The following PITRM1 variants were observed in gnomAD, a reference collection of about 807,000 sequenced individuals.
PITRM1 encodes pitrilysin metallopeptidase 1.
Under a neutral mutation model 129.9 loss-of-function variants are expected in PITRM1, and 100 were observed. That is an observed-to-expected ratio of 0.77 (90% CI 0.65 to 0.91). The LOEUF (loss-of-function observed/expected upper bound fraction) is 0.91. PITRM1 is among the 40% of genes least tolerant of loss of function. The pLI is 0.00. For missense variants in PITRM1, 1,471 were observed against 1,318.3 expected, an observed-to-expected ratio of 1.12 and a Z score of -1.79; for synonymous variants, 591 against 508.8, an observed-to-expected ratio of 1.16 and a Z score of -2.17.
At position 3,148,281 on chromosome 10, in the gene PITRM1, C is replaced by T. The variant is rs568657973; in HGVS notation, c.1882G>A (p.Gly628Ser). 6.5e-5 allele frequency: 104 copies of T among 1,610,782 alleles called. No homozygotes were observed. Among genetic ancestry groups the T allele is most frequent in the Admixed American group, 1.5e-4 (9 of 59,672 alleles). Residue 628 changes from glycine (G) to serine (S), a missense_variant, in exon 17 of 27, where the codon GGC becomes AGC. Coordinates refer to ENST00000224949, the MANE Select transcript of PITRM1 (RefSeq NM_014889.4). The stretch of plus-strand genomic sequence containing the variant: ...GCCTGCTCCCGGTAGTCAAGAAGGC[C>T]GCAGCCCAGCCTGACACAGCAGAGA... ...FCSVLTKLGCGLLDYREQAQQ... is the reference protein window; with the variant it reads ...FCSVLTKLGCSLLDYREQAQQ...
rs1588617719 is a variant in PITRM1, at chr10:3,138,750, CG to C, written c.2917+153del. 3.7e-6 allele frequency: 3 copies of C among 815,872 alleles called. No individual in the cohort carries two copies. The East Asian group carries it at 7.3e-5, about 20-fold the overall frequency. The allele number at this position is 815,872 out of a possible 1,614,324, so 50.5% of individuals were successfully genotyped here. On this transcript the variant is annotated intron_variant, in intron 25 of 26. Transcript: ENST00000224949. ...CTCTTCTCGCCCGGATGTCAGGAAG[CG>C]TGTTTAGGGTGTCAGACGTGGAAAT...
chr10:3,171,496 T>C (rs1843353613), intron 1 of PITRM1, among the ~76,000 whole-genome samples: 1 of 152,116 alleles, frequency 6.6e-6, no homozygotes, highest in African/African-American at 2.4e-5. Flanking sequence ...CAGGCTGGAG[T>C]GCAGCGGTGC....
rs770293521 is a variant in PITRM1, at chr10:3,166,400, A to G, written c.267-20T>C. 2.0e-5 allele frequency: 4 copies of G among 204,714 alleles called. No homozygotes were observed. In the Admixed American group the frequency reaches 2.2e-4, roughly 11 times the overall value. The allele number at this position is 204,714 out of a possible 1,614,324, so 12.7% of individuals were successfully genotyped here. On this transcript the variant is annotated intron_variant, in intron 3 of 26. Coordinates refer to ENST00000224949, the MANE Select transcript of PITRM1 (RefSeq NM_014889.4). ...TGCACGCTAGGGAAGGAGAATGACC[A>G]GAACGCAAAAGGTTCAGCTTAGTGC...
chr10:3,157,937 G>T, intron 11 of PITRM1, 103 bp downstream of exon 11: 1 of 743,520 alleles, frequency 1.3e-6, no homozygotes, highest in South Asian at 1.5e-5. Context: ...CATGTTATAT[G>T]ACAGAGAAGG....
intron 9 of PITRM1, 100 bp downstream of exon 9, chr10:3,159,748 A>AT: frequency 1.5e-6 from 1 of 688,374 alleles, no homozygotes; most frequent in South Asian, 1.8e-5. Flanking sequence ...CTAACCGTAT[A>AT]TTAATTAACA....
chr10:3,170,077 T>C, intron 2 of PITRM1, 27 bp downstream of exon 2: 1 of 1,515,894 alleles, frequency 6.6e-7, no homozygotes, highest in African/African-American at 1.4e-5. Flanking sequence ...TGTGGATTTA[T>C]AAGGAGGTGC....
Position 3,137,753 on chromosome 10 carries a change from T to C in PITRM1, c.*278A>G, listed in dbSNP as rs1839677319. On this transcript the variant is annotated 3_prime_UTR_variant, in exon 27 of 27. Transcript: ENST00000224949. ...TTAAGTCAGAGTTGCCCTTTATTTTTAGATTCTTAAATATTCTAGAATGAG... is the reference window on the plus strand; with the variant it reads ...TTAAGTCAGAGTTGCCCTTTATTTTCAGATTCTTAAATATTCTAGAATGAG... 4 of 447,122 alleles carry C rather than the reference T, an allele frequency of 8.9e-6. No individual in the cohort carries two copies. Among genetic ancestry groups the C allele is most frequent in the Non-Finnish European group, 1.7e-5 (4 of 237,866 alleles). The allele number at this position is 447,122 out of a possible 1,614,324, so 27.7% of individuals were successfully genotyped here.
chr10:3,150,393 C>G (rs1425708723), intron 15 of PITRM1, among the ~76,000 whole-genome samples: 1 of 151,788 alleles, frequency 6.6e-6, no homozygotes, highest in East Asian at 2.0e-4. Flanking sequence ...GAGTTCCACT[C>G]ACATGCGCCC....
At chr10:3,155,920 C>A (rs768845360) in intron 13 of PITRM1, among the ~76,000 whole-genome samples, 191 bp from the exon 14 acceptor site, 13 of 152,162 alleles carry the variant, frequency 8.5e-5, no homozygotes, top group Non-Finnish European at 1.6e-4. Context: ...AAAATGCTTA[C>A]CACCATACCT....
rs770286526 is a variant in PITRM1 at position 3,158,053 on chromosome 10, C to T, written c.1237G>A (p.Asp413Asn). The change falls in exon 11 of 27, where the codon GAT becomes AAT. Residue 413 changes from aspartate (D) to asparagine (N), a missense_variant. Asp to Asn is a conservative substitution (Grantham distance 23). Coordinates refer to ENST00000224949, the MANE Select transcript of PITRM1 (RefSeq NM_014889.4). ...AGCTACACTCACTCAACTACTTCATCAATCGTTCTGTCTATGAGGCTTCTG... is the reference window on the plus strand; with the variant it reads ...AGCTACACTCACTCAACTACTTCATTAATCGTTCTGTCTATGAGGCTTCTG... ...TVRSLIDRTI[D>N]EVVEKGFEDD... 1.3e-6 allele frequency: 2 copies of T among 1,598,698 alleles called. No homozygotes were observed. The highest frequency in any genetic ancestry group is 3.3e-5 in the Admixed American group (2 of 60,008).
At chr10:3,165,193 G>A (rs1001779390) in intron 6 of PITRM1, 45 bp downstream of exon 6, 1 of 1,303,234 alleles carries the variant, frequency 7.7e-7, no homozygotes, top group African/African-American at 1.5e-5. Flanking sequence ...TATTGTACAT[G>A]GGAAAGGTAA....
chr10:3,148,181 G>A lies in PITRM1; in HGVS notation c.1982C>T (p.Thr661Ile). 7 of 1,613,986 alleles carry A rather than the reference G, an allele frequency of 4.3e-6. No individual in the cohort carries two copies. The highest frequency in any genetic ancestry group is 5.9e-6 in the Non-Finnish European group (7 of 1,179,884). ...ACGGTACCAGGCTACCTGCTCGTAG[G>A]TGTCCATGTGTGAGTCGTCGGGGAG... ...HVLPDDSHMD[T>I]YEQGVLFSSL... The change falls in exon 17 of 27, where the codon ACC becomes ATC. Residue 661 changes from threonine (T) to isoleucine (I), a missense_variant. By Grantham distance (89) the Thr-to-Ile change is moderately conservative (BLOSUM62 -1). Transcript: ENST00000224949.
chr10:3,138,396 G>T, intron 25 of PITRM1, 59 bp from the exon 26 acceptor site: 1 of 1,110,998 alleles, frequency 9.0e-7, no homozygotes, highest in South Asian at 1.2e-5. Flanking sequence ...GTTGTGGGCT[G>T]TGCACTCATG....
At chr10:3,168,928 A>G (rs966418149) in intron 2 of PITRM1, among the ~76,000 whole-genome samples, 1 of 16,600 alleles carries the variant, frequency 6.0e-5, no homozygotes, top group African/African-American at 1.3e-4. Context: ...ACACACACAC[A>G]CACACACACA....
chr10:3,143,334 G>A, intron 23 of PITRM1, 55 bp downstream of exon 23: 2 of 1,132,782 alleles, frequency 1.8e-6, no homozygotes, highest in Non-Finnish European at 2.7e-6. Context: ...GAACAGCCTT[G>A]ACAAGCTCTT....
Position 3,156,984 on chromosome 10 carries a change from C to T in PITRM1, c.1428G>A (p.Gln476=). 1 of 1,609,536 alleles carries T rather than the reference C, an allele frequency of 6.2e-7. No homozygotes were observed. The highest frequency in any genetic ancestry group is 8.5e-7 in the Non-Finnish European group (1 of 1,178,526). ...KLGNQLAKFR[Q]CLQENPKFLQ... ...AAAATTTTGGATTTTCCTGCAGGCA[C>T]TGTCTGAATTTAGCTAACTGATTTC... The change falls in exon 13 of 27, where the codon CAG becomes CAA. Residue 476 remains glutamine (Q), a synonymous_variant. Transcript: ENST00000224949.
At position 3,149,764 on chromosome 10, in the gene PITRM1, A is replaced by G. The variant is rs544257907; in HGVS notation, c.1739-11T>C. 11 of 1,613,508 alleles carry G rather than the reference A, an allele frequency of 6.8e-6. No individual in the cohort carries two copies. The South Asian group carries it at 9.9e-5, about 15-fold the overall frequency. ...CAGGGATATCTCCAGCTAGAAAAAC[A>G]AAAGGGATTTAATTTTTATTGCTGC... On this transcript the variant is annotated splice_polypyrimidine_tract_variant and intron_variant, in intron 15 of 26. Coordinates refer to ENST00000224949, the MANE Select transcript of PITRM1 (RefSeq NM_014889.4).
In PITRM1 at chr10:3,147,637, T is replaced by G; in HGVS notation, c.2170A>C (p.Ile724Leu). ...GGCGTGAGGGTCCGGCCTGCCCTGA[T>G]GGATGCGTACAGGTGCCCAGAGTCA... ...IPDSGHLYAS[I>L]RAGRTLTPAG... is the part of the protein sequence containing the mutation. Residue 724 changes from isoleucine (I) to leucine (L), a missense_variant, in exon 19 of 27, where the codon ATC becomes CTC. Physicochemically the swap from Ile to Leu is conservative, Grantham distance 5 (BLOSUM62 2). Transcript: ENST00000224949. 6.2e-7 allele frequency: 1 copy of G among 1,614,028 alleles called. No homozygotes were observed. The highest frequency in any genetic ancestry group is 8.5e-7 in the Non-Finnish European group (1 of 1,179,890).
chr10:3,168,548 G>A (rs1035581839), intron 2 of PITRM1, among the ~76,000 whole-genome samples: 7 of 147,748 alleles, frequency 4.7e-5, no homozygotes, highest in Admixed American at 3.3e-4. Flanking sequence ...CCCACATGTT[G>A]TGGGAGGGAC....
Sources: gnomAD v4.1 joint callset for allele counts (sites outside exome capture counted in the v4.1 genomes callset) on GRCh38, gnomAD v4.1.1 for gene constraint, MANE v1.5 for transcripts, NCBI Gene and HGNC (gene_info 2026-07-23, HGNC 2026-07-21) for gene names.